The following ARHGEF28 variants were observed in gnomAD, a reference collection of about 807,000 sequenced individuals.
The protein encoded by ARHGEF28 is Rho guanine nucleotide exchange factor 28.
ARHGEF28 carries 152 observed loss-of-function variants against 206.6 expected under a neutral mutation model. The ratio of observed to expected loss-of-function variants is 0.74; its 90% CI spans 0.64 to 0.84. ARHGEF28 has a LOEUF of 0.84. Ranked by LOEUF, ARHGEF28 falls within the 40% of genes least tolerant of loss-of-function variation. The pLI, the probability that ARHGEF28 is intolerant of heterozygous loss-of-function variation, is 0.00. For synonymous variants in ARHGEF28, 763 were observed against 776.4 expected (o/e 0.98, Z 0.29); for missense variants, 2,028 against 2,073.2 (o/e 0.98, Z 0.42).
At chr5:73,883,984 A>G (rs1315363555) in intron 24 of ARHGEF28, 100 bp downstream of exon 24, 4 of 590,904 alleles carry the variant, frequency 6.8e-6, no homozygotes, top group African/African-American at 6.0e-5. Flanking sequence ...TCTCTGATTC[A>G]TAAAGAGTTT....
intron 16 of ARHGEF28, among the ~76,000 whole-genome samples, chr5:73,862,862 A>T: frequency 1.3e-5 from 1 of 75,104 alleles, no homozygotes; most frequent in Admixed American, 1.9e-4. Context: ...TGTTTCTTTA[A>T]AAAAAAAAAA....
At chr5:73,691,125 T>C (rs1747802900) in intron 2 of ARHGEF28, among the ~76,000 whole-genome samples, 1 of 152,112 alleles carries the variant, frequency 6.6e-6, no homozygotes, top group South Asian at 2.1e-4. Flanking sequence ...AGATGGGGTC[T>C]TGCCATGTTG....
chr5:73,628,483 A>G (rs557093867), intron 1 of ARHGEF28, among the ~76,000 whole-genome samples: 1 of 42,650 alleles, frequency 2.3e-5, no homozygotes, highest in East Asian at 4.2e-3. Flanking sequence ...GGCTGACTAT[A>G]ATTTTATTAT....
At chr5:73,724,455 T>G (rs1030269893) in intron 2 of ARHGEF28, among the ~76,000 whole-genome samples, 5 of 152,158 alleles carry the variant, frequency 3.3e-5, no homozygotes, top group African/African-American at 1.2e-4. Context: ...CCCCCCCTTT[T>G]TAGTGTACAG....
intron 2 of ARHGEF28, among the ~76,000 whole-genome samples, chr5:73,692,781 G>A (rs1747917395): frequency 6.6e-6 from 1 of 152,248 alleles, no homozygotes; most frequent in Admixed American, 6.5e-5. Flanking sequence ...TATTGAGGTA[G>A]TAAGTGACTT....
intron 11 of ARHGEF28, among the ~76,000 whole-genome samples, chr5:73,845,601 G>A (rs1758286831): frequency 6.6e-6 from 1 of 152,112 alleles, no homozygotes. Context: ...TATTTGATGG[G>A]TTACCATTTG....
intron 1 of ARHGEF28, among the ~76,000 whole-genome samples, chr5:73,680,488 C>T (rs1465088363): frequency 1.4e-5 from 2 of 144,516 alleles, no homozygotes; most frequent in African/African-American, 2.5e-5. Flanking sequence ...GAATATGTCT[C>T]CATATTCTCA....
At chr5:73,715,991 G>A (rs968477333) in intron 2 of ARHGEF28, among the ~76,000 whole-genome samples, 3 of 152,150 alleles carry the variant, frequency 2.0e-5, no homozygotes, top group Admixed American at 1.3e-4. Context: ...AAGATGAGGC[G>A]TTATCAGTTT....
chr5:73,826,219 T>A (rs1756895000), intron 9 of ARHGEF28, among the ~76,000 whole-genome samples: 1 of 152,176 alleles, frequency 6.6e-6, no homozygotes, highest in Admixed American at 6.5e-5. Flanking sequence ...ATAGGTTCTG[T>A]CATTTGAAGG....
intron 4 of ARHGEF28, among the ~76,000 whole-genome samples, chr5:73,765,723 T>G (rs1413987618): frequency 6.6e-6 from 1 of 152,230 alleles, no homozygotes; most frequent in Admixed American, 6.5e-5. Context: ...ATGGTCTCAT[T>G]CAATGTTTGT....
chr5:73,695,684 G>C (rs1323275527), intron 2 of ARHGEF28, among the ~76,000 whole-genome samples: 2 of 152,076 alleles, frequency 1.3e-5, no homozygotes, highest in African/African-American at 4.8e-5. Flanking sequence ...GTCTTGATCA[G>C]TCATCAAGAC....
At chr5:73,902,202 G>A (rs1762309034) in intron 31 of ARHGEF28, 1 of 152,148 alleles carries the variant, frequency 6.6e-6, no homozygotes, top group Non-Finnish European at 1.5e-5. Flanking sequence ...GTGACTGAGT[G>A]TTCTTTTTTA....
At chr5:73,688,844 C>T (rs1042888844) in intron 2 of ARHGEF28, among the ~76,000 whole-genome samples, 6 of 152,116 alleles carry the variant, frequency 3.9e-5, no homozygotes, top group African/African-American at 9.7e-5. Context: ...TTAGTAGAGA[C>T]GGCATTTCAC....
At chr5:73,806,422 A>AT (rs1491256817) in intron 9 of ARHGEF28, among the ~76,000 whole-genome samples, 3 of 128,516 alleles carry the variant, frequency 2.3e-5, no homozygotes, top group Admixed American at 8.2e-5. Context: ...ATAGATATAT[A>AT]CTATATATAG....
intron 6 of ARHGEF28, among the ~76,000 whole-genome samples, chr5:73,777,878 A>C (rs1475123000): frequency 1.3e-5 from 2 of 152,114 alleles, no homozygotes; most frequent in African/African-American, 4.8e-5. Context: ...CAGGAGATCG[A>C]GACCATCCTG....
intron 9 of ARHGEF28, among the ~76,000 whole-genome samples, chr5:73,803,824 C>T (rs1030881401): frequency 1.3e-5 from 2 of 152,214 alleles, no homozygotes; most frequent in Non-Finnish European, 1.5e-5. Context: ...CAGTGCCTCA[C>T]GCCTGTAATC....
At chr5:73,751,776 AC>A (rs1372858320) in intron 3 of ARHGEF28, among the ~76,000 whole-genome samples, 2 of 152,108 alleles carry the variant, frequency 1.3e-5, no homozygotes, top group African/African-American at 4.8e-5. Flanking sequence ...CTATTTCTGA[AC>A]CTTGAATTTC....
intron 4 of ARHGEF28, among the ~76,000 whole-genome samples, chr5:73,761,728 T>C (rs1020223240): frequency 2.0e-5 from 3 of 152,172 alleles, no homozygotes; most frequent in South Asian, 2.1e-4. Flanking sequence ...GACATGAGAA[T>C]GTATGTGTAC....
At chr5:73,781,852 G>A (rs2112462404) in intron 7 of ARHGEF28, among the ~76,000 whole-genome samples, 1 of 152,100 alleles carries the variant, frequency 6.6e-6, no homozygotes. Flanking sequence ...TGTATCTAGG[G>A]GGTAGAGTTA....
Sources: allele counts gnomAD v4.1 joint callset (sites outside exome capture counted in the v4.1 genomes callset), GRCh38; gene constraint gnomAD v4.1.1; transcripts MANE v1.5; gene names NCBI Gene and HGNC (gene_info 2026-07-23, HGNC 2026-07-21).